Variants in FLRT2 observed in about 807,000 individuals in gnomAD.
FLRT2 encodes the protein fibronectin leucine rich transmembrane protein 2.
A neutral mutation model predicts 40.0 loss-of-function variants in FLRT2; 15 were observed. The ratio of observed to expected loss-of-function variants is 0.38; its 90% CI spans 0.25 to 0.58. FLRT2 has a LOEUF of 0.58. Among genes scored for constraint, FLRT2 ranks in the 20% least tolerant of loss-of-function variants. The pLI is 0.71. For missense variants in FLRT2, 726 were observed against 840.0 expected, an observed-to-expected ratio of 0.86 and a Z score of 1.68; for synonymous variants, 380 against 336.8, an observed-to-expected ratio of 1.13 and a Z score of -1.41.
intron 1 of FLRT2, among the ~76,000 whole-genome samples, chr14:85,575,184 C>T (rs895558600): frequency 6.6e-6 from 1 of 152,192 alleles, no homozygotes; most frequent in African/African-American, 2.4e-5. Context: ...GATACTAGCA[C>T]AGAGCCTGCA....
At position 85,653,484 on chromosome 14, in the gene FLRT2, C is replaced by T. The variant is rs1263069686; in HGVS notation, c.*29987C>T. 1 of 152,158 alleles carries T rather than the reference C, an allele frequency of 6.6e-6. No individual in the cohort carries two copies. The highest frequency in any genetic ancestry group is 6.6e-5 in the Admixed American group (1 of 15,264). 9.4% of individuals were successfully genotyped at this position (152,158 alleles called of 1,614,324 possible). ...TCTAGCATCTCAATTTAACTGTATC[C>T]TTTGGAGATTTAAGGAAAACTGACA... On this transcript the variant is annotated 3_prime_UTR_variant, in exon 2 of 2. Coordinates refer to ENST00000330753, the MANE Select transcript of FLRT2 (RefSeq NM_013231.6).
Position 85,643,367 on chromosome 14 carries a change from C to CTTCCTTTCT in FLRT2, c.*19876_*19877insTCTTTCCTT, listed in dbSNP as rs1894211790. On this transcript the variant is annotated 3_prime_UTR_variant, in exon 2 of 2. Transcript: ENST00000330753. ...TCTTTCTTTCTTTCTTCCTTCCTTC[C>CTTCCTTTCT]TTCCTTCCTTTCTTTCCTTTCTCCT... 2.5e-5 allele frequency: 3 copies of CTTCCTTTCT among 118,172 alleles called. No individual in the cohort carries two copies. The highest frequency in any genetic ancestry group is 3.5e-5 in the Non-Finnish European group (2 of 57,448). 7.3% of individuals were successfully genotyped at this position (118,172 alleles called of 1,614,324 possible).
chr14:85,622,855 G>T lies in FLRT2; in HGVS notation c.1341G>T (p.Val447=). The T allele has an allele frequency of 6.2e-7, 1 of 1,614,166 alleles. No homozygotes were observed. The highest frequency in any genetic ancestry group is 8.5e-7 in the Non-Finnish European group (1 of 1,180,040). ...IQVSWLSLFT[V]MAYKLTWVKM... The stretch of plus-strand genomic sequence containing the variant: ...TCAGCTGGCTCTCTCTCTTCACCGT[G>T]ATGGCATACAAACTCACATGGGTGA... Residue 447 remains valine (V), a synonymous_variant, in exon 2 of 2, where the codon GTG becomes GTT. Transcript: ENST00000330753.
At chr14:85,600,489 A>G (rs1180798772) in intron 1 of FLRT2, among the ~76,000 whole-genome samples, 2 of 152,210 alleles carry the variant, frequency 1.3e-5, no homozygotes, top group Admixed American at 6.5e-5. Context: ...GAAAACAGGC[A>G]TGGTCAGAAA....
At chr14:85,558,567 G>A (rs1890120362) in intron 1 of FLRT2, among the ~76,000 whole-genome samples, 1 of 152,148 alleles carries the variant, frequency 6.6e-6, no homozygotes, top group African/African-American at 2.4e-5. Context: ...TTTCAAAGGA[G>A]GAGTCTCTTT....
chr14:85,631,289 C>T lies in FLRT2; in HGVS notation c.*7792C>T, dbSNP rs1030128488. On this transcript the variant is annotated 3_prime_UTR_variant, in exon 2 of 2. Coordinates refer to ENST00000330753, the MANE Select transcript of FLRT2 (RefSeq NM_013231.6). ...CAAGTCAAAGACCTCTCTTCCAAAG[C>T]CGCTGGAATCACACCTGCCAATTAT... is the stretch of plus-strand genomic sequence containing the variant. The T allele has an allele frequency of 1.3e-5, 2 of 151,760 alleles. No homozygotes were observed. The highest frequency in any genetic ancestry group is 2.9e-5 in the Non-Finnish European group (2 of 68,014). The allele number at this position is 151,760 out of a possible 1,614,324, so 9.4% of individuals were successfully genotyped here.
chr14:85,570,945 C>A (rs1890865601), intron 1 of FLRT2, among the ~76,000 whole-genome samples: 1 of 152,034 alleles, frequency 6.6e-6, no homozygotes, highest in South Asian at 2.1e-4. Context: ...ATTATACTTG[C>A]CTTTTCTTTG....
intron 1 of FLRT2, among the ~76,000 whole-genome samples, chr14:85,573,533 A>G (rs1595042317): frequency 6.6e-6 from 1 of 152,274 alleles, no homozygotes; most frequent in Non-Finnish European, 1.5e-5. Flanking sequence ...TTTGTAATGA[A>G]GGAGTTTGCA....
chr14:85,535,900 T>G (rs551740278), intron 1 of FLRT2, among the ~76,000 whole-genome samples: 1,046 of 69,298 alleles, frequency 0.015, 4 homozygotes, highest in African/African-American at 0.039. Flanking sequence ...CTGTTTTTTT[T>G]TTTTTTTTTT....
chr14:85,596,824 A>G (rs934054542), intron 1 of FLRT2, among the ~76,000 whole-genome samples: 26 of 152,180 alleles, frequency 1.7e-4, no homozygotes, highest in African/African-American at 6.0e-4. Context: ...CACACTTGAA[A>G]TGGTAATGAG....
rs529419209 is a variant in FLRT2, at chr14:85,648,723, T to C, written c.*25226T>C. 6 of 152,296 alleles carry C rather than the reference T, an allele frequency of 3.9e-5. No individual in the cohort carries two copies. The highest frequency in any genetic ancestry group is 1.4e-4 in the African/African-American group (6 of 41,568). 9.4% of individuals were successfully genotyped at this position (152,296 alleles called of 1,614,324 possible). On this transcript the variant is annotated 3_prime_UTR_variant, in exon 2 of 2. Transcript: ENST00000330753. The stretch of plus-strand genomic sequence containing the variant: ...CTTACCAAACACAGATGAGATGTAC[T>C]GTCTGCCACCCTAACTGCCCATAGG...
chr14:85,616,336 C>G (rs144443480), intron 1 of FLRT2, among the ~76,000 whole-genome samples: 4,856 of 150,732 alleles, frequency 0.032, 130 homozygotes, highest in Non-Finnish European at 0.042. Context: ...AAAAAAAAAC[C>G]CTTTTCCTTT....
At chr14:85,533,442 C>T (rs1372217753) in intron 1 of FLRT2, among the ~76,000 whole-genome samples, 1 of 151,992 alleles carries the variant, frequency 6.6e-6, no homozygotes, top group Non-Finnish European at 1.5e-5. Context: ...GCCGCACGCC[C>T]GGCTCCGAGC....
chr14:85,587,147 C>T lies in FLRT2; in HGVS notation c.-376-33992C>T, dbSNP rs112647338. Among the ~76,000 whole-genome samples, 913 of 152,198 alleles carry T rather than the reference C, an allele frequency of 6.0e-3. 3 individuals carry two copies. Among genetic ancestry groups the T allele is most frequent in the Non-Finnish European group, 0.01 (687 of 67,998 alleles). On this transcript the variant is annotated intron_variant, in intron 1 of 1. Transcript: ENST00000330753. ...CAAACGAGGAAGCTTTGTTGTACTT[C>T]GCTTTCAAAATGATCCTTGAAAACC... is the stretch of plus-strand genomic sequence containing the variant.
At chr14:85,592,760 G>A (rs1484897500) in intron 1 of FLRT2, among the ~76,000 whole-genome samples, 1 of 138,730 alleles carries the variant, frequency 7.2e-6, no homozygotes, top group African/African-American at 2.8e-5. Context: ...TTGCACTCCA[G>A]CCTGGGTGAC....
At position 85,602,615 on chromosome 14, in the gene FLRT2, T is replaced by C. The variant is rs540077420; in HGVS notation, c.-376-18524T>C. The stretch of plus-strand genomic sequence containing the variant: ...TATGATTTGGCAAATGTTCCAATTA[T>C]GAAGAGTGAAATGGAAAGAGTGGGC... On this transcript the variant is annotated intron_variant, in intron 1 of 1. Transcript: ENST00000330753. Among the ~76,000 whole-genome samples the C allele has an allele frequency of 2.0e-5, 3 of 152,324 alleles. No individual in the cohort carries two copies. The South Asian group carries it at 6.2e-4, about 32-fold the overall frequency.
At chr14:85,599,510 T>G (rs1222943587) in intron 1 of FLRT2, among the ~76,000 whole-genome samples, 9 of 152,156 alleles carry the variant, frequency 5.9e-5, no homozygotes, top group Admixed American at 5.9e-4. Context: ...TTCCAGTAAT[T>G]TCAGAATATT....
Position 85,653,463 on chromosome 14 carries a change from G to A in FLRT2, c.*29966G>A, listed in dbSNP as rs574905731. 6.6e-6 allele frequency: 1 copy of A among 152,262 alleles called. No homozygotes were observed. The highest frequency in any genetic ancestry group is 2.4e-5 in the African/African-American group (1 of 41,550). The allele number at this position is 152,262 out of a possible 1,614,324, so 9.4% of individuals were successfully genotyped here. On this transcript the variant is annotated 3_prime_UTR_variant, in exon 2 of 2. Coordinates refer to ENST00000330753, the MANE Select transcript of FLRT2 (RefSeq NM_013231.6). ...TAAACTTCCTAGCAAGTGATCTCTA[G>A]CATCTCAATTTAACTGTATCCTTTG...
In FLRT2 at chr14:85,639,837, TTTTTTTTTTTTTCC is replaced by T. The variant is rs1454625721; in HGVS notation, c.*16353_*16366del. 5.7e-5 allele frequency: 3 copies of T among 52,340 alleles called. No individual in the cohort carries two copies. The highest frequency in any genetic ancestry group is 1.9e-4 in the African/African-American group (3 of 16,138). 3.2% of individuals were successfully genotyped at this position (52,340 alleles called of 1,614,324 possible). A position where few individuals can be genotyped will look rare whatever the true frequency, so the allele number is the denominator to read the frequency against. Reference sequence around the variant, plus strand: ...GTGCTTCACTAGCAGAAATTCTTTATTTTTTTTTTTTTCCTTTTTTTTTTTTTTTGAGACAGTGT... The same window carrying T: ...GTGCTTCACTAGCAGAAATTCTTTATTTTTTTTTTTTTTTTGAGACAGTGT... On this transcript the variant is annotated 3_prime_UTR_variant, in exon 2 of 2. Transcript: ENST00000330753.
Sources: allele counts gnomAD v4.1 joint callset (sites outside exome capture counted in the v4.1 genomes callset), GRCh38; gene constraint gnomAD v4.1.1; transcripts MANE v1.5; gene names NCBI Gene and HGNC (gene_info 2026-07-23, HGNC 2026-07-21).